The following RPS6KA2 variants were observed in gnomAD, a reference collection of about 807,000 sequenced individuals.
RPS6KA2 encodes ribosomal protein S6 kinase A2.
In RPS6KA2, 42 loss-of-function variants were observed where a neutral mutation model predicts 91.8. The ratio of observed to expected loss-of-function variants is 0.46; its 90% CI spans 0.36 to 0.59. The LOEUF is 0.59. RPS6KA2 is among the 20% of genes least tolerant of loss of function. The pLI is 0.00. For missense variants in RPS6KA2, 798 were observed against 978.5 expected, an observed-to-expected ratio of 0.82 and a Z score of 2.46; for synonymous variants, 414 against 393.6, an observed-to-expected ratio of 1.05 and a Z score of -0.61.
chr6:166,660,359 C>T (rs537971030), intron 2 of RPS6KA2, among the ~76,000 whole-genome samples: 110 of 129,652 alleles, frequency 8.5e-4, no homozygotes, highest in African/African-American at 3.0e-3. Context: ...TGTGTGCGTG[C>T]GTGTGTGCAT....
chr6:166,840,123 C>T (rs1440623508), intron 2 of RPS6KA2, among the ~76,000 whole-genome samples: 1 of 152,112 alleles, frequency 6.6e-6, no homozygotes, highest in Non-Finnish European at 1.5e-5. Context: ...CCCCAAATGA[C>T]TCCTTTGCTC....
intron 19 of RPS6KA2, among the ~76,000 whole-genome samples, chr6:166,416,766 TCCA>T (rs1002379699): frequency 3.3e-5 from 5 of 151,228 alleles, no homozygotes; most frequent in East Asian, 3.9e-4. Context: ...TGCCATTATC[TCCA>T]CCATCATTTC....
chr6:166,436,167 G>A (rs1481514337), intron 14 of RPS6KA2, among the ~76,000 whole-genome samples: 2 of 152,164 alleles, frequency 1.3e-5, no homozygotes, highest in African/African-American at 2.4e-5. Flanking sequence ...CGCCAGGCAA[G>A]GGACTAAGCA....
chr6:166,647,773 C>T (rs977934489), intron 2 of RPS6KA2, among the ~76,000 whole-genome samples: 5 of 151,036 alleles, frequency 3.3e-5, no homozygotes, highest in Admixed American at 2.6e-4. Context: ...CGCACATGCT[C>T]ATACACACAC....
intron 7 of RPS6KA2, among the ~76,000 whole-genome samples, chr6:166,499,997 T>G (rs9457173): frequency 0.25 from 37,296 of 152,138 alleles, 5,532 homozygotes; most frequent in East Asian, 0.62. Context: ...CCAACACCAT[T>G]GCAAGGGTCT....
chr6:166,585,498 CT>C (rs58153048), intron 1 of RPS6KA2, among the ~76,000 whole-genome samples: 12,393 of 86,236 alleles, frequency 0.14, 639 homozygotes, highest in South Asian at 0.2. Flanking sequence ...TCAAACAAGT[CT>C]TTTTTTTTTT....
intron 2 of RPS6KA2, among the ~76,000 whole-genome samples, chr6:166,760,817 G>A (rs1778149667): frequency 2.0e-5 from 3 of 152,184 alleles, no homozygotes; most frequent in Non-Finnish European, 4.4e-5. Flanking sequence ...TTTGGTATCT[G>A]TATTTACAGT....
intron 2 of RPS6KA2, among the ~76,000 whole-genome samples, chr6:166,640,444 G>C (rs986080316): frequency 1.1e-4 from 17 of 152,304 alleles, no homozygotes; most frequent in Admixed American, 5.9e-4. Context: ...TGGCAGCCCC[G>C]GGAGAGGCGC....
intron 1 of RPS6KA2, among the ~76,000 whole-genome samples, chr6:166,609,271 A>G (rs148315457): frequency 6.6e-6 from 1 of 152,304 alleles, no homozygotes; most frequent in African/African-American, 2.4e-5. Flanking sequence ...TCTGCATAAG[A>G]TGTTTAAAAA....
chr6:166,590,650 GCA>G (rs1362431436), intron 1 of RPS6KA2, among the ~76,000 whole-genome samples: 2 of 152,096 alleles, frequency 1.3e-5, no homozygotes, highest in Non-Finnish European at 2.9e-5. Context: ...ATAACTGAAA[GCA>G]CGTCTATGTT....
At chr6:166,709,416 C>T (rs1282969932) in intron 2 of RPS6KA2, among the ~76,000 whole-genome samples, 1 of 152,142 alleles carries the variant, frequency 6.6e-6, no homozygotes, top group African/African-American at 2.4e-5. Flanking sequence ...TTGCTGGAAC[C>T]CAGGTGCTGG....
chr6:166,550,795 G>T (rs898479833), intron 1 of RPS6KA2, among the ~76,000 whole-genome samples: 1 of 152,040 alleles, frequency 6.6e-6, no homozygotes, highest in African/African-American at 2.4e-5. Context: ...AAGGTCAGGA[G>T]ATCGACACCA....
At chr6:166,806,884 GGCT>G (rs1426753280) in intron 2 of RPS6KA2, among the ~76,000 whole-genome samples, 2 of 151,992 alleles carry the variant, frequency 1.3e-5, no homozygotes, top group Non-Finnish European at 2.9e-5. Context: ...GTGGTAAAGG[GGCT>G]GCTGAAGAAG....
chr6:166,707,399 G>A (rs938508039), intron 2 of RPS6KA2, among the ~76,000 whole-genome samples: 2 of 152,238 alleles, frequency 1.3e-5, no homozygotes, highest in African/African-American at 4.8e-5. Context: ...TTCTTAGTAA[G>A]CAAATATTGT....
intron 1 of RPS6KA2, among the ~76,000 whole-genome samples, chr6:166,582,109 AG>A (rs148007672): frequency 8.5e-5 from 8 of 94,614 alleles, no homozygotes; most frequent in South Asian, 4.9e-4. Context: ...TGGGCTGGGC[AG>A]GAGGGCCCAG....
chr6:166,757,413 C>T (rs200275161), intron 2 of RPS6KA2: 1 of 429,258 alleles, frequency 2.3e-6, no homozygotes, highest in African/African-American at 2.0e-5. Flanking sequence ...CCACTCCGCC[C>T]AGAAAACAGC....
intron 2 of RPS6KA2, among the ~76,000 whole-genome samples, chr6:166,673,363 A>G (rs1384014752): frequency 6.6e-6 from 1 of 152,210 alleles, no homozygotes; most frequent in East Asian, 1.9e-4. Flanking sequence ...TTCCAACTGC[A>G]GCTGCCATAA....
chr6:166,717,206 G>T (rs950060312), intron 2 of RPS6KA2, among the ~76,000 whole-genome samples: 4 of 152,222 alleles, frequency 2.6e-5, no homozygotes, highest in East Asian at 3.8e-4. Context: ...GTTTTGCAAG[G>T]GGGTGGAGGC....
At chr6:166,749,814 C>A (rs1330407486) in intron 2 of RPS6KA2, among the ~76,000 whole-genome samples, 1 of 145,062 alleles carries the variant, frequency 6.9e-6, no homozygotes, top group African/African-American at 2.6e-5. Context: ...AATGTCTGCA[C>A]TGCCTGGCTG....
Sources: gnomAD v4.1 joint callset for allele counts (sites outside exome capture counted in the v4.1 genomes callset) on GRCh38, gnomAD v4.1.1 for gene constraint, MANE v1.5 for transcripts, NCBI Gene and HGNC (gene_info 2026-07-23, HGNC 2026-07-21) for gene names.